The following FAM110A variants were observed in gnomAD, a reference collection of about 807,000 sequenced individuals.
The protein encoded by FAM110A is family with sequence similarity 110 member A, also known as protein FAM110A.
FAM110A carries 1 observed loss-of-function variant against 4.0 expected under a neutral mutation model. The observed-to-expected ratio is 0.25, with a 90% CI of 0.09 to 1.20. FAM110A has a LOEUF of 1.20. FAM110A is among the 50% of genes most tolerant of loss of function. The pLI is 0.50. For missense variants in FAM110A, 436 were observed against 429.2 expected (o/e 1.02, Z -0.14); for synonymous variants, 217 against 196.8 (o/e 1.10, Z -0.86).
Position 845,484 on chromosome 20 carries a change from C to T in FAM110A, c.680C>T (p.Ala227Val), listed in dbSNP as rs74457967. 19,895 of 1,612,696 alleles carry T rather than the reference C, an allele frequency of 0.012. 165 individuals are homozygous for T. Among genetic ancestry groups the T allele is most frequent in the South Asian group, 0.029 (2,644 of 90,940 alleles). Residue 227 changes from alanine (A) to valine (V), a missense_variant, in exon 2 of 2, where the codon GCC (alanine) becomes GTC (valine). Physicochemically the swap from Ala to Val is moderately conservative, Grantham distance 64 (BLOSUM62 0). Transcript: ENST00000381941. ...RGLGVAHLAR[A>V]SSDIVSLAGP... ...TTGGGTGTGGCCCACCTGGCACGGG[C>T]CAGCTCGGATATCGTGTCCCTGGCA...
At position 840,067 on chromosome 20, in the gene FAM110A, G is replaced by C; in HGVS notation, c.-97-4641G>C. ...CGAAAATCATTATTGTTGCTTTGCT[G>C]TTACTACTATTAGCGCCTGAAGGAG... On this transcript the variant is annotated intron_variant, in intron 1 of 1. Coordinates refer to ENST00000381941, the MANE Select transcript of FAM110A (RefSeq NM_001042353.3). This position sits in a 1 kb window ranked among gnomAD's most constrained non-coding sequence, Gnocchi z 4.4. The C allele has an allele frequency of 1.3e-6, 1 of 760,970 alleles. No individual in the cohort carries two copies. Among genetic ancestry groups the C allele is most frequent in the Non-Finnish European group, 2.2e-6 (1 of 445,614 alleles). The allele number at this position is 760,970 out of a possible 1,614,324, so 47.1% of individuals were successfully genotyped here. A position where few individuals can be genotyped will look rare whatever the true frequency, so the allele number is the denominator to read the frequency against.
intron 1 of FAM110A, among the ~76,000 whole-genome samples, chr20:836,405 G>C (rs548775317): frequency 2.3e-4 from 35 of 152,308 alleles, no homozygotes; most frequent in African/African-American, 8.2e-4. Context: ...CTTTCTGTTT[G>C]AGTGAATTTG....
In FAM110A at chr20:840,975, G is replaced by C. The variant is rs1332304282; in HGVS notation, c.-97-3733G>C. On this transcript the variant is annotated intron_variant, in intron 1 of 1. Transcript: ENST00000381941. This position sits in a 1 kb window ranked among gnomAD's most constrained non-coding sequence, Gnocchi z 4.4. ...CACCTGGCGGTCGTTCTGAGTGTCA[G>C]GGAGCGGGGCTCAGTTTGTCCATCT... is the stretch of plus-strand genomic sequence containing the variant. Among the ~76,000 whole-genome samples, 1 of 152,264 alleles carries C rather than the reference G, an allele frequency of 6.6e-6. No individual in the cohort carries two copies. The highest frequency in any genetic ancestry group is 1.5e-5 in the Non-Finnish European group (1 of 68,050).
rs761362231 is a variant in FAM110A, at chr20:845,457, G to T, written c.653G>T (p.Gly218Val). ...FCGLDPEEAR[G>V]LGVAHLARAS... ...GGCCTGGACCCGGAGGAGGCGAGAG[G>T]GTTGGGTGTGGCCCACCTGGCACGG... is the stretch of plus-strand genomic sequence containing the variant. The change falls in exon 2 of 2, where the codon GGG becomes GTG. Residue 218 changes from glycine (G) to valine (V), a missense_variant. Transcript: ENST00000381941. 1.9e-6 allele frequency: 3 copies of T among 1,613,474 alleles called. No homozygotes were observed. The African/African-American group carries it at 4.0e-5, about 22-fold the overall frequency.
At position 845,773 on chromosome 20, in the gene FAM110A, T is replaced by C. The variant is rs759072121; in HGVS notation, c.*81T>C. 6.4e-6 allele frequency: 10 copies of C among 1,565,464 alleles called. No individual in the cohort carries two copies. The highest frequency in any genetic ancestry group is 8.6e-6 in the Non-Finnish European group (10 of 1,156,314). On this transcript the variant is annotated 3_prime_UTR_variant, in exon 2 of 2. Coordinates refer to ENST00000381941, the MANE Select transcript of FAM110A (RefSeq NM_001042353.3). ...CTGGACCTCTCTTGCATCCATTCTC[T>C]AGACGGCCGTGTCAGAGGCTCCACC...
Position 840,026 on chromosome 20 carries a change from C to A in FAM110A, c.-97-4682C>A. The A allele has an allele frequency of 2.2e-6, 2 of 917,904 alleles. No individual in the cohort carries two copies. Among genetic ancestry groups the A allele is most frequent in the Non-Finnish European group, 3.5e-6 (2 of 576,426 alleles). The allele number at this position is 917,904 out of a possible 1,614,324, so 56.9% of individuals were successfully genotyped here. On this transcript the variant is annotated intron_variant, in intron 1 of 1. Transcript: ENST00000381941. This position sits in a 1 kb window ranked among gnomAD's most constrained non-coding sequence, Gnocchi z 4.4. ...CTGGGGCTGGAAAGGAAGGACTGTT[C>A]TTTTCTTTGCTATTACGAAAATCAT...
intron 1 of FAM110A, 33 bp from the exon 2 acceptor site, chr20:844,675 C>T (rs1600016551): frequency 8.9e-7 from 1 of 1,125,060 alleles, no homozygotes; most frequent in Non-Finnish European, 1.1e-6. Context: ...GCGCGCTCGG[C>T]TTTTTTTTTT....
At position 837,053 on chromosome 20, in the gene FAM110A, T is replaced by TTTG. The variant is rs1555787727; in HGVS notation, c.-98+3104_-98+3105insGTT. The stretch of plus-strand genomic sequence containing the variant: ...TCAAGTGACTCTGCATTGTTTTTTT[T>TTTG]TTTTTTTTTTTTTTTTGAGACAAGA... On this transcript the variant is annotated intron_variant, in intron 1 of 1. Transcript: ENST00000381941. Among the ~76,000 whole-genome samples the TTTG allele has an allele frequency of 8.0e-4, 113 of 141,604 alleles. 1 individual carries two copies. Among genetic ancestry groups the TTTG allele is most frequent in the Non-Finnish European group, 1.4e-3 (90 of 64,342 alleles). The allele number at this position is 141,604 out of a possible 152,430, so 92.9% of individuals were successfully genotyped here.
intron 1 of FAM110A, chr20:839,908 T>C (rs973819383): frequency 1.3e-5 from 21 of 1,594,672 alleles, no homozygotes; most frequent in Non-Finnish European, 1.7e-5. Flanking sequence ...ACATCCTTCT[T>C]GGCCACCATG....
intron 1 of FAM110A, among the ~76,000 whole-genome samples, chr20:835,164 ATCTCTCTCTC>A (rs143746608): frequency 0.095 from 12,943 of 136,220 alleles, 696 homozygotes; most frequent in African/African-American, 0.15. Flanking sequence ...CAGTCCTCCC[ATCTCTCTCTC>A]TCTCTCTCTC....
At chr20:844,512 C>T (rs948527468) in intron 1 of FAM110A, among the ~76,000 whole-genome samples, 196 bp from the exon 2 acceptor site, 1 of 147,688 alleles carries the variant, frequency 6.8e-6, no homozygotes, top group Non-Finnish European at 1.5e-5. Flanking sequence ...CTGGTTCTCC[C>T]GGGGCAGGAG....
Position 838,919 on chromosome 20 carries a change from T to G in FAM110A, c.-98+4968T>G, listed in dbSNP as rs780696259. Reference sequence around the variant, plus strand: ...ACTGCAGGGAGCTTGGATTTTATTGTAAGGGAGCCACAGGAGGGTTTAAAC... The same window carrying G: ...ACTGCAGGGAGCTTGGATTTTATTGGAAGGGAGCCACAGGAGGGTTTAAAC... On this transcript the variant is annotated intron_variant, in intron 1 of 1. Transcript: ENST00000381941. Among the ~76,000 whole-genome samples, 74 of 151,518 alleles carry G rather than the reference T, an allele frequency of 4.9e-4. 1 individual carries two copies. Among genetic ancestry groups the G allele is most frequent in the Admixed American group, 1.8e-3 (27 of 15,188 alleles).
chr20:836,555 G>A (rs556155855), intron 1 of FAM110A, among the ~76,000 whole-genome samples: 17 of 152,144 alleles, frequency 1.1e-4, no homozygotes, highest in South Asian at 6.2e-4. Flanking sequence ...TTTTTATGGC[G>A]GAATAATCTA....
chr20:845,231 C>T lies in FAM110A; in HGVS notation c.427C>T (p.Arg143Ter), dbSNP rs2122702928. 3.9e-6 allele frequency: 6 copies of T among 1,534,054 alleles called. No homozygotes were observed. The highest frequency in any genetic ancestry group is 2.5e-5 in the East Asian group (1 of 39,410). The stretch of plus-strand genomic sequence containing the variant: ...CCGTCCTCCCCCAGCCACCCCTCCG[C>T]GACCGCCGCCCAGTACCTCTGCGGT... Reference protein sequence around the residue: ...AGRPPPATPPRPPPSTSAVRR... With the variant: ...AGRPPPATPP The change falls in exon 2 of 2, where the codon CGA becomes TGA. Residue 143 changes from arginine to a stop codon, truncating the protein, a stop_gained. Coordinates refer to ENST00000381941, the MANE Select transcript of FAM110A (RefSeq NM_001042353.3). LOFTEE classifies it low-confidence loss of function (END_TRUNC).
At chr20:837,173 C>T (rs1378187903) in intron 1 of FAM110A, among the ~76,000 whole-genome samples, 1 of 151,720 alleles carries the variant, frequency 6.6e-6, no homozygotes, top group Non-Finnish European at 1.5e-5. Flanking sequence ...CTGCTTCAGC[C>T]TCCTGAGTAG....
rs943609985 is a variant in FAM110A, at chr20:845,781, C to T, written c.*89C>T. The T allele has an allele frequency of 3.9e-6, 6 of 1,550,082 alleles. No homozygotes were observed. The highest frequency in any genetic ancestry group is 1.4e-5 in the African/African-American group (1 of 73,446). ...CTCTTGCATCCATTCTCTAGACGGC[C>T]GTGTCAGAGGCTCCACCCTGTTGTG... is the stretch of plus-strand genomic sequence containing the variant. On this transcript the variant is annotated 3_prime_UTR_variant, in exon 2 of 2. Coordinates refer to ENST00000381941, the MANE Select transcript of FAM110A (RefSeq NM_001042353.3).
At chr20:836,068 C>A (rs1342138558) in intron 1 of FAM110A, 1 of 152,186 alleles carries the variant, frequency 6.6e-6, no homozygotes, top group Non-Finnish European at 1.5e-5. Context: ...GTTCTAAGTA[C>A]TTTACAAGTA....
rs1979799876 is a variant in FAM110A, at chr20:840,029, T to G, written c.-97-4679T>G. 2 of 906,560 alleles carry G rather than the reference T, an allele frequency of 2.2e-6. No individual in the cohort carries two copies. Among genetic ancestry groups the G allele is most frequent in the Admixed American group, 4.2e-5 (2 of 47,716 alleles). 56.2% of individuals were successfully genotyped at this position (906,560 alleles called of 1,614,324 possible). ...GGGCTGGAAAGGAAGGACTGTTCTT[T>G]TCTTTGCTATTACGAAAATCATTAT... is the stretch of plus-strand genomic sequence containing the variant. On this transcript the variant is annotated intron_variant, in intron 1 of 1. Transcript: ENST00000381941. The surrounding 1 kb of genome is among the most constrained non-coding windows in gnomAD (Gnocchi z 4.4).
At chr20:835,065 A>C (rs1275243677) in intron 1 of FAM110A, among the ~76,000 whole-genome samples, 1 of 151,770 alleles carries the variant, frequency 6.6e-6, no homozygotes, top group Non-Finnish European at 1.5e-5. Flanking sequence ...GATGCCCAAA[A>C]CCTCAGTAAT....
Sources: gnomAD v4.1 joint callset for allele counts (sites outside exome capture counted in the v4.1 genomes callset) on GRCh38, gnomAD v4.1.1 for gene constraint, Gnocchi (gnomAD v3.1) non-coding constraint, MANE v1.5 for transcripts, NCBI Gene and HGNC (gene_info 2026-07-23, HGNC 2026-07-21) for gene names.